SLC35F3: variants seen among roughly 807,000 people sequenced by gnomAD.
The protein encoded by SLC35F3 is solute carrier family 35 member F3, also known as putative thiamine transporter SLC35F3.
SLC35F3 carries 25 observed loss-of-function variants against 49.9 expected under a neutral mutation model. That is an observed-to-expected ratio of 0.50 (90% CI 0.37 to 0.70). SLC35F3 has a LOEUF of 0.70. Ranked by LOEUF, SLC35F3 falls within the 30% of genes least tolerant of loss-of-function variation. SLC35F3 has a pLI of 0.00. For missense variants in SLC35F3, 525 were observed against 639.8 expected (o/e 0.82, Z 1.94); for synonymous variants, 275 against 265.4 (o/e 1.04, Z -0.35).
rs529541999 is a variant in SLC35F3, at chr1:234,073,073, G to A, written c.284-158344G>A. Among the ~76,000 whole-genome samples the A allele has an allele frequency of 1.8e-4, 27 of 152,314 alleles. No homozygotes were observed. The South Asian group carries it at 3.3e-3, about 19-fold the overall frequency. On this transcript the variant is annotated intron_variant, in intron 2 of 7. Transcript: ENST00000366618. Reference sequence around the variant, plus strand: ...GTGATCCCATTGACTCATCTGTTCCGTGTGGATGTGTCTGTACCTTTCCCA... The same window carrying A: ...GTGATCCCATTGACTCATCTGTTCCATGTGGATGTGTCTGTACCTTTCCCA...
intron 3 of SLC35F3, among the ~76,000 whole-genome samples, chr1:234,271,232 T>C (rs1318269193): frequency 1.3e-5 from 2 of 152,160 alleles, no homozygotes; most frequent in Non-Finnish European, 2.9e-5. Flanking sequence ...ACTACTGAGA[T>C]AGACTTTCTA....
intron 2 of SLC35F3, among the ~76,000 whole-genome samples, chr1:233,955,058 A>T (rs911684135): frequency 1.3e-5 from 2 of 151,660 alleles, no homozygotes; most frequent in African/African-American, 2.4e-5. Flanking sequence ...TGCCCAGGCT[A>T]CTCTTGAGCT....
At chr1:234,108,352 A>C (rs1199911753) in intron 2 of SLC35F3, among the ~76,000 whole-genome samples, 2 of 115,842 alleles carry the variant, frequency 1.7e-5, no homozygotes, top group Non-Finnish European at 3.3e-5. Context: ...AAAGATATAT[A>C]TTTATATATA....
chr1:234,139,970 A>AAAATAAAATAAAATAAAAT (rs1665872595), intron 2 of SLC35F3, among the ~76,000 whole-genome samples: 23 of 135,210 alleles, frequency 1.7e-4, no homozygotes, highest in Non-Finnish European at 2.8e-4. Flanking sequence ...AAAATAAAAT[A>AAAATAAAATAAAATAAAAT]AAATAAAATA....
At chr1:233,990,604 T>A (rs148020172) in intron 2 of SLC35F3, among the ~76,000 whole-genome samples, 3 of 150,292 alleles carry the variant, frequency 2.0e-5, no homozygotes, top group Non-Finnish European at 2.9e-5. Context: ...AGGGAGTAGA[T>A]CTTAGGTATT....
intron 4 of SLC35F3, 46 bp downstream of exon 4, chr1:234,309,366 AC>A: frequency 6.4e-7 from 1 of 1,561,298 alleles, no homozygotes; most frequent in Non-Finnish European, 8.8e-7. Flanking sequence ...AGTCATGTCA[AC>A]CAAAACCTGC....
intron 3 of SLC35F3, among the ~76,000 whole-genome samples, chr1:234,306,699 C>T (rs1657196221): frequency 6.6e-6 from 1 of 152,042 alleles, no homozygotes; most frequent in Admixed American, 6.5e-5. Flanking sequence ...GATGGGATCC[C>T]CACTCTCTCC....
intron 2 of SLC35F3, among the ~76,000 whole-genome samples, chr1:234,078,718 G>A (rs1156274207): frequency 6.6e-6 from 1 of 152,152 alleles, no homozygotes; most frequent in Non-Finnish European, 1.5e-5. Context: ...AGGCAATTAA[G>A]TCCTTTTCTA....
At chr1:234,308,181 C>G (rs1447230729) in intron 3 of SLC35F3, among the ~76,000 whole-genome samples, 1 of 152,084 alleles carries the variant, frequency 6.6e-6, no homozygotes, top group Non-Finnish European at 1.5e-5. Flanking sequence ...GAATAGGTAC[C>G]CTAAAAATGG....
intron 2 of SLC35F3, among the ~76,000 whole-genome samples, chr1:234,183,955 T>C (rs1572085290): frequency 6.6e-6 from 1 of 151,340 alleles, no homozygotes; most frequent in Non-Finnish European, 1.5e-5. Context: ...ATTTATCTGT[T>C]AACCTACACT....
At chr1:234,057,275 A>G (rs757864742) in intron 2 of SLC35F3, among the ~76,000 whole-genome samples, 14 of 152,138 alleles carry the variant, frequency 9.2e-5, no homozygotes. Context: ...ACAGTGTTAA[A>G]TTTTCTCATC....
chr1:234,203,582 G>A (rs983872406), intron 2 of SLC35F3, among the ~76,000 whole-genome samples: 1 of 152,160 alleles, frequency 6.6e-6, no homozygotes, highest in Admixed American at 6.5e-5. Flanking sequence ...GTGCTGGCAT[G>A]TGCCTGTAAT....
intron 2 of SLC35F3, among the ~76,000 whole-genome samples, chr1:234,071,581 T>C (rs976951941): frequency 6.6e-6 from 1 of 152,224 alleles, no homozygotes; most frequent in Non-Finnish European, 1.5e-5. Context: ...ATCAGTTTAG[T>C]AGGCTCTCAC....
intron 2 of SLC35F3, among the ~76,000 whole-genome samples, chr1:234,113,856 G>A (rs113891852): frequency 0.091 from 13,833 of 152,170 alleles, 1,158 homozygotes; most frequent in African/African-American, 0.22. Flanking sequence ...AGAGCAGAAC[G>A]CCATCTCCAA....
At chr1:234,058,750 C>T (rs757600465) in intron 2 of SLC35F3, among the ~76,000 whole-genome samples, 1 of 152,120 alleles carries the variant, frequency 6.6e-6, no homozygotes, top group Non-Finnish European at 1.5e-5. Context: ...GTTTTCTTAT[C>T]GAGGTAATGC....
At chr1:233,981,876 A>G (rs1044611910) in intron 2 of SLC35F3, among the ~76,000 whole-genome samples, 13 of 152,206 alleles carry the variant, frequency 8.5e-5, no homozygotes, top group Non-Finnish European at 1.9e-4. Context: ...GTACGTAATA[A>G]TATCTCACCA....
intron 2 of SLC35F3, among the ~76,000 whole-genome samples, chr1:234,056,934 A>G (rs749933138): frequency 6.6e-6 from 1 of 152,158 alleles, no homozygotes; most frequent in Non-Finnish European, 1.5e-5. Flanking sequence ...TCTCAATTGT[A>G]TGGTATTGGC....
rs572452457 is a variant in SLC35F3, at chr1:234,205,240, G to A, written c.284-26177G>A. Among the ~76,000 whole-genome samples, 77 of 152,286 alleles carry A rather than the reference G, an allele frequency of 5.1e-4. 2 individuals are homozygous for A. Among genetic ancestry groups the A allele is most frequent in the African/African-American group, 1.8e-3 (75 of 41,560 alleles). On this transcript the variant is annotated intron_variant, in intron 2 of 7. Coordinates refer to ENST00000366618, the MANE Select transcript of SLC35F3 (RefSeq NM_173508.4). ...TGGGTGGGCCGCACTCTGAGGTAATGGTCTCAGCATGTCCTGCCTTTGGGG... is the reference window on the plus strand; with the variant it reads ...TGGGTGGGCCGCACTCTGAGGTAATAGTCTCAGCATGTCCTGCCTTTGGGG...
chr1:234,240,092 T>C (rs1362834439), intron 3 of SLC35F3, among the ~76,000 whole-genome samples: 4 of 152,220 alleles, frequency 2.6e-5, no homozygotes, highest in African/African-American at 7.2e-5. Context: ...AAACCATGCC[T>C]ACTGCTCTCT....
Sources: allele counts gnomAD v4.1 joint callset (sites outside exome capture counted in the v4.1 genomes callset), GRCh38; gene constraint gnomAD v4.1.1; transcripts MANE v1.5; gene names NCBI Gene and HGNC (gene_info 2026-07-23, HGNC 2026-07-21).